The following ANKFN1 variants were observed in gnomAD, a reference collection of about 807,000 sequenced individuals.
ANKFN1 encodes the protein ankyrin repeat and fibronectin type III domain containing 1.
Under a neutral mutation model 108.7 loss-of-function variants are expected in ANKFN1, and 74 were observed. The observed-to-expected ratio is 0.68, with a 90% confidence interval of 0.56 to 0.83. The LOEUF is 0.83. Among genes scored for constraint, ANKFN1 ranks in the 40% least tolerant of loss-of-function variants. ANKFN1 has a pLI of 0.00. For missense variants in ANKFN1, 1,505 were observed against 1,382.3 expected, an observed-to-expected ratio of 1.09 and a Z score of -1.41; for synonymous variants, 547 against 516.2, an observed-to-expected ratio of 1.06 and a Z score of -0.81.
chr17:56,250,764 T>G (rs1257269567), intron 3 of ANKFN1, among the ~76,000 whole-genome samples: 1 of 152,258 alleles, frequency 6.6e-6, no homozygotes, highest in Non-Finnish European at 1.5e-5. Flanking sequence ...ATGGTATAAC[T>G]ATCATTGATT....
intron 3 of ANKFN1, among the ~76,000 whole-genome samples, chr17:56,271,805 G>T (rs986583013): frequency 6.6e-6 from 1 of 152,170 alleles, no homozygotes; most frequent in Non-Finnish European, 1.5e-5. Context: ...GTAAGCCAAG[G>T]CCTACATCCT....
chr17:56,059,088 C>T (rs1197563004), intron 4 of ANKFN1, among the ~76,000 whole-genome samples: 1 of 152,186 alleles, frequency 6.6e-6, no homozygotes, highest in African/African-American at 2.4e-5. Flanking sequence ...ACAGCCTCAC[C>T]AGCATCTATT....
At chr17:56,114,486 T>A (rs1315168359) in intron 4 of ANKFN1, among the ~76,000 whole-genome samples, 1 of 152,220 alleles carries the variant, frequency 6.6e-6, no homozygotes, top group Non-Finnish European at 1.5e-5. Flanking sequence ...TTTGTCATCA[T>A]CCAGATTGGC....
At chr17:56,310,902 T>C (rs2045003046) in intron 3 of ANKFN1, among the ~76,000 whole-genome samples, 1 of 152,128 alleles carries the variant, frequency 6.6e-6, no homozygotes, top group African/African-American at 2.4e-5. Context: ...TTTGTAACCA[T>C]TGACCAACGT....
At chr17:56,267,607 C>T (rs2043685925) in intron 3 of ANKFN1, among the ~76,000 whole-genome samples, 1 of 152,166 alleles carries the variant, frequency 6.6e-6, no homozygotes, top group Non-Finnish European at 1.5e-5. Flanking sequence ...CAATCTTCTA[C>T]ATATGGCTAA....
chr17:56,424,640 C>T (rs1197311914), intron 8 of ANKFN1, among the ~76,000 whole-genome samples: 1 of 152,158 alleles, frequency 6.6e-6, no homozygotes, highest in Non-Finnish European at 1.5e-5. Context: ...GCAGAAGAAG[C>T]AGTATGAATG....
At chr17:56,254,224 A>G (rs1054210261) in intron 3 of ANKFN1, 3 of 152,204 alleles carry the variant, frequency 2.0e-5, no homozygotes, top group African/African-American at 7.2e-5. Flanking sequence ...ATCCCAGGTA[A>G]TTGGTAATTT....
At chr17:56,245,417 C>G (rs775257956) in intron 3 of ANKFN1, among the ~76,000 whole-genome samples, 7 of 152,120 alleles carry the variant, frequency 4.6e-5, no homozygotes, top group Non-Finnish European at 8.8e-5. Flanking sequence ...TCCTGCCACA[C>G]TTCTGCTGGA....
intron 4 of ANKFN1, among the ~76,000 whole-genome samples, chr17:56,081,929 G>A (rs1231976357): frequency 2.0e-5 from 3 of 152,132 alleles, no homozygotes; most frequent in South Asian, 2.1e-4. Context: ...CCCACGCACC[G>A]AACTCCTGAG....
At chr17:56,461,474 A>G (rs551532185) in intron 14 of ANKFN1, among the ~76,000 whole-genome samples, 5 of 152,270 alleles carry the variant, frequency 3.3e-5, no homozygotes, top group African/African-American at 1.2e-4. Flanking sequence ...ATCCTTTGCT[A>G]GTTTTCAAGC....
chr17:56,460,824 G>T (rs1468199226), intron 14 of ANKFN1, among the ~76,000 whole-genome samples: 1 of 151,954 alleles, frequency 6.6e-6, no homozygotes, highest in Middle Eastern at 3.2e-3. Context: ...TGCCCCTTCA[G>T]CTACCAAACT....
chr17:56,048,105 A>G (rs1904711354), intron 4 of ANKFN1, among the ~76,000 whole-genome samples: 1 of 149,028 alleles, frequency 6.7e-6, no homozygotes, highest in South Asian at 2.1e-4. Flanking sequence ...TTTATTCCCT[A>G]GTATTATTCC....
intron 8 of ANKFN1, among the ~76,000 whole-genome samples, chr17:56,431,524 T>C (rs898360707): frequency 2.0e-5 from 3 of 152,144 alleles, no homozygotes; most frequent in South Asian, 2.1e-4. Context: ...CCCATATCTA[T>C]GTCCACACAT....
intron 3 of ANKFN1, among the ~76,000 whole-genome samples, chr17:56,228,715 C>T (rs1287647832): frequency 6.6e-6 from 1 of 151,566 alleles, no homozygotes; most frequent in Non-Finnish European, 1.5e-5. Flanking sequence ...GTATAAAGAC[C>T]CTAGCTGTTC....
rs528593079 is a variant in ANKFN1 at position 56,048,036 on chromosome 17, C to A, written c.288+1711C>A. Among the ~76,000 whole-genome samples the A allele has an allele frequency of 3.3e-5, 5 of 152,316 alleles. No individual in the cohort carries two copies. The East Asian group carries it at 9.6e-4, about 29-fold the overall frequency. The stretch of plus-strand genomic sequence containing the variant: ...CCCTGTGCCATCTCCCAATCTTTGT[C>A]CATGTATACATTTTTGACACGGTTG... On this transcript the variant is annotated intron_variant, in intron 4 of 12. Transcript: ENST00000635860.
chr17:56,335,958 C>A (rs997588461), intron 4 of ANKFN1, among the ~76,000 whole-genome samples: 3 of 152,202 alleles, frequency 2.0e-5, no homozygotes, highest in Non-Finnish European at 1.5e-5. Flanking sequence ...GCCTTTTCTG[C>A]ATCTTTGAGA....
Position 56,094,944 on chromosome 17 carries a change from C to T in ANKFN1, c.288+48619C>T, listed in dbSNP as rs187933166. On this transcript the variant is annotated intron_variant, in intron 4 of 12. Coordinates refer to the ANKFN1 transcript ENST00000635860. ...GGCTATCATTGCTATCCTAATTAAA[C>T]TGCCTGCTTCAAAACTGAATTTTGG... is the stretch of plus-strand genomic sequence containing the variant. 7.1e-4 allele frequency among the ~76,000 whole-genome samples: 107 copies of T among 151,228 alleles called. 3 individuals are homozygous for T. The highest frequency in any genetic ancestry group is 2.5e-3 in the African/African-American group (104 of 41,292).
chr17:56,358,129 A>G (rs554139104), intron 6 of ANKFN1, among the ~76,000 whole-genome samples: 1 of 152,226 alleles, frequency 6.6e-6, no homozygotes, highest in South Asian at 2.1e-4. Flanking sequence ...ACAGTTACAT[A>G]TTTCAAAGCA....
At chr17:56,337,542 G>C (rs2045846266) in intron 4 of ANKFN1, among the ~76,000 whole-genome samples, 1 of 152,130 alleles carries the variant, frequency 6.6e-6, no homozygotes, top group South Asian at 2.1e-4. Flanking sequence ...TACAGAATGG[G>C]AGACAATTTT....
Sources: gnomAD v4.1 joint callset for allele counts (sites outside exome capture counted in the v4.1 genomes callset) on GRCh38, gnomAD v4.1.1 for gene constraint, MANE v1.5 for transcripts, NCBI Gene and HGNC (gene_info 2026-07-23, HGNC 2026-07-21) for gene names.